The following ANKIB1 variants were observed in gnomAD, a reference collection of about 807,000 sequenced individuals.
ANKIB1 encodes the protein ankyrin repeat and IBR domain-containing protein 1.
A neutral mutation model predicts 122.1 loss-of-function variants in ANKIB1; 43 were observed. The ratio of observed to expected loss-of-function variants is 0.35; its 90% CI spans 0.28 to 0.45. ANKIB1 has a LOEUF of 0.45. Ranked by LOEUF, ANKIB1 falls within the 20% of genes least tolerant of loss-of-function variation. The pLI, the probability that ANKIB1 is intolerant of heterozygous loss-of-function variation, is 1.00. For missense variants in ANKIB1, 992 were observed against 1,329.5 expected (o/e 0.75, Z 3.95); for synonymous variants, 390 against 442.0 (o/e 0.88, Z 1.48).
intron 11 of ANKIB1, among the ~76,000 whole-genome samples, chr7:92,374,878 GAA>G (rs113565806): frequency 6.9e-6 from 1 of 144,736 alleles, no homozygotes; most frequent in African/African-American, 2.5e-5. Flanking sequence ...ACATAATCAA[GAA>G]AAAAAAAATG....
chr7:92,372,322 C>CTATAAGTAATTACTAGAT (rs1263669984), intron 11 of ANKIB1, among the ~76,000 whole-genome samples: 1 of 151,958 alleles, frequency 6.6e-6, no homozygotes, highest in Non-Finnish European at 1.5e-5. Flanking sequence ...TTGTAAGATA[C>CTATAAGTAATTACTAGAT]TATAAGTAAT....
Position 92,390,554 on chromosome 7 carries a change from T to G in ANKIB1, c.2052+438T>G, listed in dbSNP as rs113626950. The stretch of plus-strand genomic sequence containing the variant: ...TAAAAAACAAAAACACCTAAGCCAA[T>G]TGGCATCACTATAGCCAAATAACTT... On this transcript the variant is annotated intron_variant, in intron 15 of 19. Transcript: ENST00000265742. 5.1e-3 allele frequency among the ~76,000 whole-genome samples: 782 copies of G among 152,320 alleles called. 7 individuals carry two copies. The highest frequency in any genetic ancestry group is 0.018 in the African/African-American group (742 of 41,576).
chr7:92,348,402 T>C (rs540550352), intron 7 of ANKIB1, among the ~76,000 whole-genome samples: 2 of 151,588 alleles, frequency 1.3e-5, no homozygotes, highest in South Asian at 4.2e-4. Context: ...TTTTTTTTTT[T>C]TGAGTTGGAG....
chr7:92,329,217 C>T (rs748354127), intron 5 of ANKIB1, among the ~76,000 whole-genome samples: 1 of 152,086 alleles, frequency 6.6e-6, no homozygotes, highest in Non-Finnish European at 1.5e-5. Flanking sequence ...TCCACCCCCT[C>T]GCCCTCCCAG....
intron 3 of ANKIB1, among the ~76,000 whole-genome samples, chr7:92,317,833 A>C (rs1244620038): frequency 5.3e-5 from 8 of 152,242 alleles, no homozygotes; most frequent in African/African-American, 1.9e-4. Flanking sequence ...AAGAAAATAA[A>C]AAGAAGCTAC....
At chr7:92,377,226 T>A (rs1230204121) in intron 11 of ANKIB1, among the ~76,000 whole-genome samples, 1 of 152,076 alleles carries the variant, frequency 6.6e-6, no homozygotes, top group Admixed American at 6.5e-5. Context: ...TGAACTACTT[T>A]TAATATTGTT....
chr7:92,264,774 C>T (rs1049765296), intron 1 of ANKIB1, among the ~76,000 whole-genome samples: 37 of 152,108 alleles, frequency 2.4e-4, no homozygotes, highest in African/African-American at 8.2e-4. Flanking sequence ...GCTATTGTTA[C>T]ACCTGTGAAT....
At chr7:92,291,490 G>C (rs1802247262) in intron 1 of ANKIB1, among the ~76,000 whole-genome samples, 1 of 151,382 alleles carries the variant, frequency 6.6e-6, no homozygotes, top group South Asian at 2.1e-4. Context: ...GAGTTATAAA[G>C]GCATTCACAA....
In ANKIB1 at chr7:92,399,751, T is replaced by A. The variant is rs1361402016; in HGVS notation, c.*802T>A. 6.6e-6 allele frequency: 1 copy of A among 152,222 alleles called. No individual in the cohort carries two copies. Among genetic ancestry groups the A allele is most frequent in the Non-Finnish European group, 1.5e-5 (1 of 68,048 alleles). 9.4% of individuals were successfully genotyped at this position (152,222 alleles called of 1,614,324 possible). A position where few individuals can be genotyped will look rare whatever the true frequency, so the allele number is the denominator to read the frequency against. On this transcript the variant is annotated 3_prime_UTR_variant, in exon 20 of 20. Transcript: ENST00000265742. Reference sequence around the variant, plus strand: ...GCCTGTAGCTTAAGTTAACTAAACCTAATGCTGCTGTTAAAAACAGTTTAT... The same window carrying A: ...GCCTGTAGCTTAAGTTAACTAAACCAAATGCTGCTGTTAAAAACAGTTTAT...
chr7:92,305,967 C>T (rs1039019619), intron 2 of ANKIB1, among the ~76,000 whole-genome samples: 1 of 152,138 alleles, frequency 6.6e-6, no homozygotes, highest in African/African-American at 2.4e-5. Context: ...AGATGCTAGT[C>T]TTATCTTTCC....
chr7:92,350,913 C>A, intron 7 of ANKIB1, 37 bp from the exon 8 acceptor site: 5 of 1,553,308 alleles, frequency 3.2e-6, no homozygotes, highest in South Asian at 2.5e-5. Context: ...AACTTAATAT[C>A]CTTGCTCGTT....
intron 1 of ANKIB1, among the ~76,000 whole-genome samples, chr7:92,252,864 A>G (rs1801357851): frequency 6.6e-6 from 1 of 150,982 alleles, no homozygotes; most frequent in Non-Finnish European, 1.5e-5. Flanking sequence ...CCAGGGCTAG[A>G]GCCCTGGAAT....
At chr7:92,391,405 G>GT in intron 16 of ANKIB1, 61 bp downstream of exon 16, 1 of 1,366,818 alleles carries the variant, frequency 7.3e-7, no homozygotes. Context: ...CAGCAGTTTT[G>GT]TTTTTTATCC....
At chr7:92,312,306 A>G (rs1802707300) in intron 3 of ANKIB1, among the ~76,000 whole-genome samples, 1 of 152,252 alleles carries the variant, frequency 6.6e-6, no homozygotes, top group African/African-American at 2.4e-5. Flanking sequence ...GGAGTAGTCT[A>G]CAATTGTTTG....
At chr7:92,316,437 G>T (rs1257419745) in intron 3 of ANKIB1, among the ~76,000 whole-genome samples, 1 of 152,186 alleles carries the variant, frequency 6.6e-6, no homozygotes, top group Non-Finnish European at 1.5e-5. Context: ...TCAATGTCAG[G>T]CATTATTGCT....
chr7:92,274,683 A>G (rs986537895), intron 1 of ANKIB1, among the ~76,000 whole-genome samples: 1 of 152,210 alleles, frequency 6.6e-6, no homozygotes, highest in African/African-American at 2.4e-5. Flanking sequence ...GTGGTGGCAC[A>G]TGCCTGTAAT....
chr7:92,354,814 A>C (rs934528714), intron 9 of ANKIB1, among the ~76,000 whole-genome samples: 1 of 152,178 alleles, frequency 6.6e-6, no homozygotes, highest in South Asian at 2.1e-4. Context: ...GAGAAGCAAA[A>C]TCTGTTCACG....
chr7:92,257,746 C>A (rs186076651), intron 1 of ANKIB1, among the ~76,000 whole-genome samples: 1 of 152,204 alleles, frequency 6.6e-6, no homozygotes. Flanking sequence ...GAGCAGAGAT[C>A]GCGCCATTGT....
At chr7:92,369,341 A>C (rs33993294) in intron 10 of ANKIB1, among the ~76,000 whole-genome samples, 48,713 of 152,112 alleles carry the variant, frequency 0.32, 8,060 homozygotes, top group Non-Finnish European at 0.35. Flanking sequence ...ATTAAAAACC[A>C]ATGCTTTTAC....
Sources: gnomAD v4.1 joint callset for allele counts (sites outside exome capture counted in the v4.1 genomes callset) on GRCh38, gnomAD v4.1.1 for gene constraint, MANE v1.5 for transcripts, NCBI Gene and HGNC (gene_info 2026-07-23, HGNC 2026-07-21) for gene names.